The following ABLIM2 variants were observed in gnomAD, a reference collection of about 807,000 sequenced individuals.
ABLIM2 encodes the protein actin binding LIM protein family member 2, also known as actin-binding LIM protein 2.
ABLIM2 carries 53 observed loss-of-function variants against 97.7 expected under a neutral mutation model. The observed-to-expected ratio is 0.54, with a 90% CI of 0.44 to 0.68. The LOEUF is 0.68. Ranked by LOEUF, ABLIM2 falls within the 30% of genes least tolerant of loss-of-function variation. ABLIM2 has a pLI of 0.00. For synonymous variants in ABLIM2, 361 were observed against 345.8 expected (o/e 1.04, Z -0.49); for missense variants, 835 against 867.2 (o/e 0.96, Z 0.47).
At position 7,986,165 on chromosome 4, in the gene ABLIM2, A is replaced by G. The variant is rs60854583; in HGVS notation, c.1681-1272T>C. Among the ~76,000 whole-genome samples the G allele has an allele frequency of 0.052, 7,953 of 152,330 alleles. 452 individuals are homozygous for G. The highest frequency in any genetic ancestry group is 0.14 in the African/African-American group (5,845 of 41,564). On this transcript the variant is annotated intron_variant, in intron 17 of 20. Coordinates refer to ENST00000447017, the MANE Select transcript of ABLIM2 (RefSeq NM_001130083.2). The surrounding 1 kb of genome is among the most constrained non-coding windows in gnomAD (Gnocchi z 4.3). ...CTGGGTACAGGGATCACATTTCAGC[A>G]GGGAGAGTTCTGCAGCCAAAGGAGA...
Position 7,998,669 on chromosome 4 carries a change from C to T in ABLIM2, c.1619-5742G>A. 1 of 511,936 alleles carries T rather than the reference C, an allele frequency of 2.0e-6. No homozygotes were observed. Among genetic ancestry groups the T allele is most frequent in the Non-Finnish European group, 3.9e-6 (1 of 256,980 alleles). 31.7% of individuals were successfully genotyped at this position (511,936 alleles called of 1,614,324 possible). ...ACACCTGCCTCGTCACCTTTTGCCA[C>T]CACATGGGAGGCTGGGAGTCTGCAG... On this transcript the variant is annotated intron_variant, in intron 16 of 20. Coordinates refer to ENST00000447017, the MANE Select transcript of ABLIM2 (RefSeq NM_001130083.2). This position sits in a 1 kb window ranked among gnomAD's most constrained non-coding sequence, Gnocchi z 6.4.
intron 16 of ABLIM2, among the ~76,000 whole-genome samples, chr4:8,000,271 G>T (rs951673135): frequency 6.6e-6 from 1 of 152,110 alleles, no homozygotes; most frequent in African/African-American, 2.4e-5. Context: ...CCATGGCCTG[G>T]CTTGTAGACT....
intron 20 of ABLIM2, among the ~76,000 whole-genome samples, chr4:7,981,767 G>T (rs566139972): frequency 6.6e-6 from 1 of 152,290 alleles, no homozygotes; most frequent in South Asian, 2.1e-4. Flanking sequence ...GCAGCCTCTC[G>T]TCTGCAGAGC....
Position 8,152,061 on chromosome 4 carries a change from A to G in ABLIM2, c.10+6619T>C, listed in dbSNP as rs148656788. Among the ~76,000 whole-genome samples the G allele has an allele frequency of 6.0e-3, 909 of 152,074 alleles. 30 individuals are homozygous for G. Among genetic ancestry groups the G allele is most frequent in the Admixed American group, 0.053 (815 of 15,298 alleles). ...TGCTGGCAGGTCCCGCAGCTGGAAAATGGGAATAACACACCACGGCCCAGG... is the reference window on the plus strand; with the variant it reads ...TGCTGGCAGGTCCCGCAGCTGGAAAGTGGGAATAACACACCACGGCCCAGG... On this transcript the variant is annotated intron_variant, in intron 1 of 20. Coordinates refer to ENST00000447017, the MANE Select transcript of ABLIM2 (RefSeq NM_001130083.2).
intron 17 of ABLIM2, among the ~76,000 whole-genome samples, chr4:7,989,270 G>A (rs1746842424): frequency 1.3e-5 from 2 of 151,642 alleles, no homozygotes; most frequent in Admixed American, 1.3e-4. Context: ...GTAGAGATGG[G>A]GTTTCACCAT....
intron 4 of ABLIM2, among the ~76,000 whole-genome samples, chr4:8,084,794 C>A (rs1389348936): frequency 6.6e-6 from 1 of 152,226 alleles, no homozygotes; most frequent in Non-Finnish European, 1.5e-5. Context: ...CCTGCTGGCC[C>A]CACACCCACA....
intron 1 of ABLIM2, 136 bp downstream of exon 1, chr4:8,158,544 C>A (rs1716183703): frequency 1.7e-6 from 2 of 1,163,424 alleles, no homozygotes; most frequent in South Asian, 1.5e-5. Context: ...GCTGCAAAAT[C>A]CTGGAGCAAA....
chr4:8,152,028 T>TG (rs1296276759), intron 1 of ABLIM2, among the ~76,000 whole-genome samples: 1 of 152,130 alleles, frequency 6.6e-6, no homozygotes, highest in Non-Finnish European at 1.5e-5. Flanking sequence ...TCCTGCCTCC[T>TG]GGCTCTGTGC....
intron 1 of ABLIM2, among the ~76,000 whole-genome samples, chr4:8,133,763 A>G (rs938473074): frequency 1.3e-5 from 2 of 152,188 alleles, no homozygotes; most frequent in Admixed American, 6.5e-5. Flanking sequence ...CCCTTGAGAC[A>G]GCGATTCCCA....
chr4:8,096,388 G>C (rs189546093), intron 3 of ABLIM2, among the ~76,000 whole-genome samples: 1 of 152,094 alleles, frequency 6.6e-6, no homozygotes, highest in Non-Finnish European at 1.5e-5. Context: ...TCTAAGCCAC[G>C]TACACAAAAA....
rs1469099125 is a variant in ABLIM2, at chr4:7,996,373, C to T, written c.1619-3446G>A. On this transcript the variant is annotated intron_variant, in intron 16 of 20. Coordinates refer to ENST00000447017, the MANE Select transcript of ABLIM2 (RefSeq NM_001130083.2). The surrounding 1 kb of genome is among the most constrained non-coding windows in gnomAD (Gnocchi z 4.5). ...GCCCGAAGGCCTCTACCTGCCTGCC[C>T]CTGGAGTCACCTGGACAGCGTGCCA... Among the ~76,000 whole-genome samples, 1 of 152,208 alleles carries T rather than the reference C, an allele frequency of 6.6e-6. No homozygotes were observed. Among genetic ancestry groups the T allele is most frequent in the Admixed American group, 6.5e-5 (1 of 15,292 alleles).
chr4:8,153,744 T>C (rs1218847424), intron 1 of ABLIM2, among the ~76,000 whole-genome samples: 1 of 152,128 alleles, frequency 6.6e-6, no homozygotes, highest in Non-Finnish European at 1.5e-5. Flanking sequence ...CATTTGATCT[T>C]TCAGTACAAA....
At chr4:7,985,073 GA>G (rs1742637571) in intron 17 of ABLIM2, among the ~76,000 whole-genome samples, 180 bp from the exon 18 acceptor site, 1 of 152,204 alleles carries the variant, frequency 6.6e-6, no homozygotes, top group Non-Finnish European at 1.5e-5. Context: ...TTGGGAAGGG[GA>G]GAGTCCAGGA....
At position 8,036,300 on chromosome 4, in the gene ABLIM2, G is replaced by A; in HGVS notation, c.901-5C>T. ...GATCTCACCACCAAGCTTGGCCTGA[G>A]AGGGGAAAGAGAATTGGGGAGGGGA... On this transcript the variant is annotated splice_polypyrimidine_tract_variant and splice_region_variant and intron_variant, in intron 9 of 20. Coordinates refer to ENST00000447017, the MANE Select transcript of ABLIM2 (RefSeq NM_001130083.2). The A allele has an allele frequency of 1.9e-6, 3 of 1,613,356 alleles. No homozygotes were observed.
Position 8,043,495 on chromosome 4 carries a change from G to A in ABLIM2, c.900+1669C>T, listed in dbSNP as rs1350764409. On this transcript the variant is annotated intron_variant, in intron 9 of 20. Transcript: ENST00000447017. This position sits in a 1 kb window ranked among gnomAD's most constrained non-coding sequence, Gnocchi z 4.8. ...AGAATGTGACTGCATTTGGATGCAG[G>A]GCCTTAAGAGAGGTCATCAAGTTAA... 2.0e-5 allele frequency among the ~76,000 whole-genome samples: 3 copies of A among 152,088 alleles called. No individual in the cohort carries two copies. The highest frequency in any genetic ancestry group is 2.4e-5 in the African/African-American group (1 of 41,404).
chr4:8,109,151 G>A (rs1477510575), intron 1 of ABLIM2, among the ~76,000 whole-genome samples: 1 of 152,230 alleles, frequency 6.6e-6, no homozygotes. Flanking sequence ...GCTCCAAGGC[G>A]GAACTCCCAG....
Position 8,087,383 on chromosome 4 carries a change from T to G in ABLIM2, c.454+786A>C, listed in dbSNP as rs1297174064. ...CCCCTGACACTTCGGCTGGCATTTG[T>G]TTTTTTTCCACACTAACAACCTCCT... is the stretch of plus-strand genomic sequence containing the variant. On this transcript the variant is annotated intron_variant, in intron 4 of 20. Coordinates refer to ENST00000447017, the MANE Select transcript of ABLIM2 (RefSeq NM_001130083.2). The surrounding 1 kb of genome is among the most constrained non-coding windows in gnomAD (Gnocchi z 4.6). 7.2e-6 allele frequency among the ~76,000 whole-genome samples: 1 copy of G among 139,654 alleles called. No homozygotes were observed. The highest frequency in any genetic ancestry group is 1.6e-5 in the Non-Finnish European group (1 of 63,434). 91.6% of individuals were successfully genotyped at this position (139,654 alleles called of 152,430 possible).
intron 8 of ABLIM2, among the ~76,000 whole-genome samples, chr4:8,050,819 G>A (rs1001324766): frequency 1.3e-5 from 2 of 152,328 alleles, no homozygotes; most frequent in South Asian, 2.1e-4. Context: ...TGGACTCGGC[G>A]CTAAGAGGCC....
rs1425491372 is a variant in ABLIM2, at chr4:8,032,549, C to A, written c.1048-2773G>T. 1 of 1,512,820 alleles carries A rather than the reference C, an allele frequency of 6.6e-7. No homozygotes were observed. The highest frequency in any genetic ancestry group is 1.4e-5 in the African/African-American group (1 of 72,836). 93.7% of individuals were successfully genotyped at this position (1,512,820 alleles called of 1,614,324 possible). A position where few individuals can be genotyped will look rare whatever the true frequency, so the allele number is the denominator to read the frequency against. On this transcript the variant is annotated intron_variant, in intron 10 of 20. Transcript: ENST00000447017. This position sits in a 1 kb window ranked among gnomAD's most constrained non-coding sequence, Gnocchi z 4.3. ...CCCCGGGCCCCATGGTGAAGAGCCACCGAGGAGGCCCTTCCCGGGAGTGCG... is the reference window on the plus strand; with the variant it reads ...CCCCGGGCCCCATGGTGAAGAGCCAACGAGGAGGCCCTTCCCGGGAGTGCG...
Sources: gnomAD v4.1 joint callset for allele counts (sites outside exome capture counted in the v4.1 genomes callset) on GRCh38, gnomAD v4.1.1 for gene constraint, Gnocchi (gnomAD v3.1) non-coding constraint, MANE v1.5 for transcripts, NCBI Gene and HGNC (gene_info 2026-07-23, HGNC 2026-07-21) for gene names.